KLHL42: variants seen among roughly 807,000 people sequenced by gnomAD.
The protein encoded by KLHL42 is kelch like family member 42, also known as kelch-like protein 42.
Under a neutral mutation model 32.7 loss-of-function variants are expected in KLHL42, and 27 were observed. The observed-to-expected ratio is 0.83, with a 90% confidence interval of 0.61 to 1.14. The LOEUF (loss-of-function observed/expected upper bound fraction) is 1.14, where lower values mean the gene tolerates loss of function less well. Among genes scored for constraint, KLHL42 ranks in the 50% most tolerant of loss-of-function variants. KLHL42 has a pLI of 0.00. For missense variants in KLHL42, 491 were observed against 560.8 expected (o/e 0.88, Z 1.26); for synonymous variants, 267 against 248.2 (o/e 1.08, Z -0.71).
At position 27,801,778 on chromosome 12, in the gene KLHL42, C is replaced by T. The variant is rs529388130; in HGVS notation, c.*3612C>T. 6.6e-6 allele frequency: 1 copy of T among 152,326 alleles called. No individual in the cohort carries two copies. The highest frequency in any genetic ancestry group is 6.5e-5 in the Admixed American group (1 of 15,292). 9.4% of individuals were successfully genotyped at this position (152,326 alleles called of 1,614,324 possible). A position where few individuals can be genotyped will look rare whatever the true frequency, so the allele number is the denominator to read the frequency against. Reference sequence around the variant, plus strand: ...AAAGAATTAAGTGGGTAGACACCAACCAAAATGACTTTGAAAGCAGTGAGC... The same window carrying T: ...AAAGAATTAAGTGGGTAGACACCAATCAAAATGACTTTGAAAGCAGTGAGC... On this transcript the variant is annotated 3_prime_UTR_variant, in exon 3 of 3. Coordinates refer to ENST00000381271, the MANE Select transcript of KLHL42 (RefSeq NM_020782.2).
chr12:27,784,418 T>C (rs1364147518), intron 1 of KLHL42, among the ~76,000 whole-genome samples: 2 of 151,668 alleles, frequency 1.3e-5, no homozygotes, highest in East Asian at 3.9e-4. Flanking sequence ...TGGGATTAAG[T>C]TGTGAGCCAC....
In KLHL42 at chr12:27,780,321, G is replaced by A; in HGVS notation, c.-10G>A. ...TGGCGGTGAGCGCTGCCGCCCCGGG[G>A]CCCCCAGCCATGTCGGCCGAGGAGA... is the stretch of plus-strand genomic sequence containing the variant. On this transcript the variant is annotated 5_prime_UTR_variant, in exon 1 of 3. Transcript: ENST00000381271. The surrounding 1 kb of genome is among the most constrained non-coding windows in gnomAD (Gnocchi z 8.8). 2 of 1,551,498 alleles carry A rather than the reference G, an allele frequency of 1.3e-6. No individual in the cohort carries two copies. Among genetic ancestry groups the A allele is most frequent in the South Asian group, 1.2e-5 (1 of 83,976 alleles).
rs2062251667 is a variant in KLHL42, at chr12:27,802,394, T to C, written c.*4228T>C. 1 of 152,324 alleles carries C rather than the reference T, an allele frequency of 6.6e-6. No individual in the cohort carries two copies. The highest frequency in any genetic ancestry group is 6.5e-5 in the Admixed American group (1 of 15,286). 9.4% of individuals were successfully genotyped at this position (152,324 alleles called of 1,614,324 possible). The stretch of plus-strand genomic sequence containing the variant: ...CATAAAAAGTATTAATAAAGAAATT[T>C]CCATTCCACACTAGTACTGATGAAA... On this transcript the variant is annotated 3_prime_UTR_variant, in exon 3 of 3. Transcript: ENST00000381271.
At chr12:27,791,990 A>G in intron 2 of KLHL42, 89 bp downstream of exon 2, 3 of 1,047,540 alleles carry the variant, frequency 2.9e-6, no homozygotes, top group South Asian at 2.7e-5. Flanking sequence ...AAGCCCCGAC[A>G]TATCCGAGTG....
rs774837373 is a variant in KLHL42 at position 27,781,013 on chromosome 12, G to A, written c.683G>A (p.Arg228His). 6.2e-7 allele frequency: 1 copy of A among 1,611,062 alleles called. No homozygotes were observed. The highest frequency in any genetic ancestry group is 8.5e-7 in the Non-Finnish European group (1 of 1,178,110). The change falls in exon 1 of 3, where the codon CGT becomes CAT. Residue 228 changes from arginine to histidine, a missense_variant. By Grantham distance (29) the Arg-to-His change is conservative. Coordinates refer to ENST00000381271, the MANE Select transcript of KLHL42 (RefSeq NM_020782.2). ...CTCAGGTACGAGGAGATGACTGAGC[G>A]TTGGTTCCCGCTGGCCAACAACCTT... ...SMLRYEEMTE[R>H]WFPLANNLPP...
intron 1 of KLHL42, among the ~76,000 whole-genome samples, chr12:27,785,126 C>T (rs74074290): frequency 0.11 from 16,788 of 152,126 alleles, 3,072 homozygotes; most frequent in African/African-American, 0.38. Context: ...CAAAAGAGGG[C>T]TCCACCTCTC....
intron 1 of KLHL42, among the ~76,000 whole-genome samples, chr12:27,782,713 A>G (rs2062154273): frequency 2.0e-5 from 3 of 151,628 alleles, no homozygotes; most frequent in Admixed American, 1.3e-4. Flanking sequence ...TTCCCTTCAT[A>G]CATCCTTGGT....
intron 1 of KLHL42, among the ~76,000 whole-genome samples, chr12:27,782,533 T>C (rs186626921): frequency 6.6e-6 from 1 of 152,276 alleles, no homozygotes; most frequent in East Asian, 1.9e-4. Flanking sequence ...TTAAAACAAA[T>C]TCTATGCACT....
intron 2 of KLHL42, among the ~76,000 whole-genome samples, chr12:27,796,768 T>TGGTA (rs1420139850): frequency 6.6e-6 from 1 of 152,018 alleles, no homozygotes; most frequent in African/African-American, 2.4e-5. Context: ...AAGTAGCAGC[T>TGGTA]GGTACCATAG....
chr12:27,787,584 G>A (rs1306748687), intron 1 of KLHL42: 2 of 151,846 alleles, frequency 1.3e-5, no homozygotes, highest in African/African-American at 2.4e-5. Context: ...CACTGTTGCA[G>A]CAGTTGGTTC....
rs1218761294 is a variant in KLHL42 at position 27,799,229 on chromosome 12, TG to T, written c.*1065del. 2 of 152,202 alleles carry T rather than the reference TG, an allele frequency of 1.3e-5. No individual in the cohort carries two copies. Among genetic ancestry groups the T allele is most frequent in the Admixed American group, 1.3e-4 (2 of 15,282 alleles). The allele number at this position is 152,202 out of a possible 1,614,324, so 9.4% of individuals were successfully genotyped here. ...GGAAGAAGCTGTTACAGAAGTGGAATGGTTTCTGGTGGTATTTCTGAAGTTA... is the reference window on the plus strand; with the variant it reads ...GGAAGAAGCTGTTACAGAAGTGGAATGTTTCTGGTGGTATTTCTGAAGTTA... On this transcript the variant is annotated 3_prime_UTR_variant, in exon 3 of 3. Transcript: ENST00000381271.
rs2062232218 is a variant in KLHL42, at chr12:27,799,010, C to A, written c.*844C>A. On this transcript the variant is annotated 3_prime_UTR_variant, in exon 3 of 3. Coordinates refer to ENST00000381271, the MANE Select transcript of KLHL42 (RefSeq NM_020782.2). ...ATTTAAATGGGAAGGGAAGAAAACA[C>A]CAAATAAGAAAAAAATTTGCCTTTA... 2 of 152,510 alleles carry A rather than the reference C, an allele frequency of 1.3e-5. No homozygotes were observed. Among genetic ancestry groups the A allele is most frequent in the South Asian group, 4.2e-4 (2 of 4,808 alleles). The allele number at this position is 152,510 out of a possible 1,614,324, so 9.4% of individuals were successfully genotyped here. A position where few individuals can be genotyped will look rare whatever the true frequency, so the allele number is the denominator to read the frequency against.
At chr12:27,797,389 C>A in intron 2 of KLHL42, 2 of 499,434 alleles carry the variant, frequency 4.0e-6, no homozygotes, top group Non-Finnish European at 7.8e-6. Flanking sequence ...GAGGCACTTA[C>A]TTTTTTTACA....
intron 2 of KLHL42, among the ~76,000 whole-genome samples, chr12:27,793,672 C>T (rs776508614): frequency 6.6e-5 from 10 of 152,290 alleles, no homozygotes; most frequent in South Asian, 2.1e-4. Flanking sequence ...TCCAAGTTAC[C>T]TCTTAGCCAA....
intron 1 of KLHL42, among the ~76,000 whole-genome samples, chr12:27,784,977 G>A (rs1270213091): frequency 1.3e-5 from 2 of 152,126 alleles, no homozygotes; most frequent in Non-Finnish European, 1.5e-5. Context: ...TGTCTGTTAT[G>A]TAATGTCGTG....
chr12:27,797,920 C>T lies in KLHL42; in HGVS notation c.1272C>T (p.Val424=). The T allele has an allele frequency of 1.3e-6, 1 of 780,972 alleles. No homozygotes were observed. The highest frequency in any genetic ancestry group is 2.4e-6 in the Non-Finnish European group (1 of 418,118). The allele number at this position is 780,972 out of a possible 1,614,324, so 48.4% of individuals were successfully genotyped here. A position where few individuals can be genotyped will look rare whatever the true frequency, so the allele number is the denominator to read the frequency against. The change falls in exon 3 of 3, where the codon GTC becomes GTT. Residue 424 remains valine, a synonymous_variant. Coordinates refer to ENST00000381271, the MANE Select transcript of KLHL42 (RefSeq NM_020782.2). The part of the protein sequence containing the change: ...DMLTVQSYNT[V]TRQWLYLKEN... ...TCACCGTGCAGTCCTACAACACCGTCACCCGCCAGTGGCTCTACCTCAAGG... is the reference window on the plus strand; with the variant it reads ...TCACCGTGCAGTCCTACAACACCGTTACCCGCCAGTGGCTCTACCTCAAGG...
chr12:27,781,951 A>G (rs1356102901), intron 1 of KLHL42, among the ~76,000 whole-genome samples: 1 of 152,204 alleles, frequency 6.6e-6, no homozygotes, highest in Non-Finnish European at 1.5e-5. Context: ...AGGGAAAGGA[A>G]CCAGGGAAGG....
Position 27,780,762 on chromosome 12 carries a change from C to T in KLHL42, c.432C>T (p.Asp144=), listed in dbSNP as rs2140809915. The change falls in exon 1 of 3, where the codon GAC becomes GAT. Residue 144 remains aspartate, a synonymous_variant. Coordinates refer to ENST00000381271, the MANE Select transcript of KLHL42 (RefSeq NM_020782.2). The surrounding 1 kb of genome is among the most constrained non-coding windows in gnomAD (Gnocchi z 8.8). ...YRLAQVYGLP[D]LQEACLRFMV... is the part of the protein sequence containing the mutation. ...TGGCGCAGGTGTACGGGCTGCCCGA[C>T]CTGCAGGAGGCCTGCCTGCGCTTCA... is the stretch of plus-strand genomic sequence containing the variant. The T allele has an allele frequency of 6.2e-7, 1 of 1,613,384 alleles. No individual in the cohort carries two copies. The highest frequency in any genetic ancestry group is 8.5e-7 in the Non-Finnish European group (1 of 1,180,020).
chr12:27,800,283 A>C lies in KLHL42; in HGVS notation c.*2117A>C. On this transcript the variant is annotated 3_prime_UTR_variant, in exon 3 of 3. Transcript: ENST00000381271. ...TGTTGACAATTAGATTCTTGGACCA[A>C]GTGAGGGTGTACTCTGATCCACAAA... 1.0e-6 allele frequency: 1 copy of C among 985,238 alleles called. No homozygotes were observed. Among genetic ancestry groups the C allele is most frequent in the South Asian group, 4.7e-5 (1 of 21,282 alleles). The allele number at this position is 985,238 out of a possible 1,614,324, so 61.0% of individuals were successfully genotyped here.
Sources: gnomAD v4.1 joint callset for allele counts (sites outside exome capture counted in the v4.1 genomes callset) on GRCh38, gnomAD v4.1.1 for gene constraint, Gnocchi (gnomAD v3.1) non-coding constraint, MANE v1.5 for transcripts, NCBI Gene and HGNC (gene_info 2026-07-23, HGNC 2026-07-21) for gene names.